NWD1: variants seen among roughly 807,000 people sequenced by gnomAD.
The protein encoded by NWD1 is NACHT and WD repeat domain containing 1.
In NWD1, 129 loss-of-function variants were observed where a neutral mutation model predicts 135.1. That is an observed-to-expected ratio of 0.96 (90% CI 0.83 to 1.11). The LOEUF (loss-of-function observed/expected upper bound fraction) is 1.11. Among genes scored for constraint, NWD1 ranks in the 50% least tolerant of loss-of-function variants. NWD1 has a pLI of 0.00. For synonymous variants in NWD1, 773 were observed against 786.0 expected (o/e 0.98, Z 0.28); for missense variants, 1,740 against 1,851.3 (o/e 0.94, Z 1.10).
intron 17 of NWD1, among the ~76,000 whole-genome samples, chr19:16,802,947 CAA>C (rs59153702): frequency 4.6e-4 from 38 of 81,838 alleles, no homozygotes; most frequent in Admixed American, 1.2e-3. Context: ...GACTCTGTCT[CAA>C]AAAAAAAAAA....
intron 10 of NWD1, among the ~76,000 whole-genome samples, chr19:16,766,406 C>A (rs774753747): frequency 6.6e-6 from 1 of 151,922 alleles, no homozygotes; most frequent in South Asian, 2.1e-4. Flanking sequence ...TGTCTCAAAA[C>A]GAACAAACCA....
chr19:16,757,975 C>T (rs1250785412), intron 6 of NWD1, among the ~76,000 whole-genome samples: 1 of 151,906 alleles, frequency 6.6e-6, no homozygotes, highest in Non-Finnish European at 1.5e-5. Context: ...TCGCTTGAAG[C>T]CAGGAGGCAG....
chr19:16,771,873 C>T (rs1212492779), intron 10 of NWD1, among the ~76,000 whole-genome samples: 1 of 150,896 alleles, frequency 6.6e-6, no homozygotes, highest in African/African-American at 2.4e-5. Flanking sequence ...GCTCTGTCAC[C>T]CAACTTCTGC....
chr19:16,733,314 A>G (rs1252272363), intron 3 of NWD1, among the ~76,000 whole-genome samples: 1 of 152,076 alleles, frequency 6.6e-6, no homozygotes, highest in Admixed American at 6.6e-5. Context: ...TGAGGCCAGG[A>G]GTTCGAGACC....
chr19:16,805,755 AAAAATGTTTGC>A (rs1334774578), intron 17 of NWD1, among the ~76,000 whole-genome samples: 3 of 152,190 alleles, frequency 2.0e-5, no homozygotes, highest in Non-Finnish European at 4.4e-5. Flanking sequence ...CTGTTACTCT[AAAAATGTTTGC>A]CAAATTAACG....
intron 4 of NWD1, among the ~76,000 whole-genome samples, chr19:16,740,803 T>C (rs1338064398): frequency 6.6e-6 from 1 of 152,126 alleles, no homozygotes; most frequent in East Asian, 1.9e-4. Context: ...GGTTTGCACC[T>C]ACTCCAAGTG....
Position 16,744,530 on chromosome 19 carries a change from T to G in NWD1, c.308T>G (p.Leu103Arg). 1 of 1,536,074 alleles carries G rather than the reference T, an allele frequency of 6.5e-7. No individual in the cohort carries two copies. Among genetic ancestry groups the G allele is most frequent in the Non-Finnish European group, 8.7e-7 (1 of 1,146,898 alleles). Residue 103 changes from leucine (L) to arginine (R), a missense_variant, in exon 5 of 19, where the codon CTG (leucine) becomes CGG (arginine). Leu to Arg is a moderately radical substitution (Grantham distance 102). Transcript: ENST00000524140. ...HLTARPSDLE[L>R]VARYFQRDEN... is the part of the protein sequence containing the mutation. ...ACTGCCAGGCCAAGTGACCTGGAGC[T>G]GGTGGCACGATACTTCCAGAGGGAC...
At chr19:16,762,238 G>A (rs913878209) in intron 8 of NWD1, 100 bp downstream of exon 8, 17 of 1,032,184 alleles carry the variant, frequency 1.6e-5, no homozygotes, top group East Asian at 5.3e-5. Flanking sequence ...ATGTCCTCCC[G>A]ACCTACTTCT....
chr19:16,788,522 T>C (rs1445367146), intron 12 of NWD1, among the ~76,000 whole-genome samples: 2 of 146,908 alleles, frequency 1.4e-5, no homozygotes, highest in Admixed American at 6.8e-5. Flanking sequence ...TGAACCAAGA[T>C]TGAGCCACTG....
chr19:16,816,875 TA>T lies in NWD1; in HGVS notation c.*1841del, dbSNP rs1971080720. ...GCAAATGTTAGTGTCAAATTTCATT[TA>T]AAAATATTTTAAACTGTAATTTTAA... On this transcript the variant is annotated 3_prime_UTR_variant, in exon 19 of 19. Coordinates refer to ENST00000524140, the MANE Select transcript of NWD1 (RefSeq NM_001007525.5). 1 of 152,230 alleles carries T rather than the reference TA, an allele frequency of 6.6e-6. No individual in the cohort carries two copies. Among genetic ancestry groups the T allele is most frequent in the Non-Finnish European group, 1.5e-5 (1 of 68,034 alleles). The allele number at this position is 152,230 out of a possible 1,614,324, so 9.4% of individuals were successfully genotyped here.
rs535080534 is a variant in NWD1 at position 16,744,655 on chromosome 19, G to T, written c.433G>T (p.Ala145Ser). The change falls in exon 5 of 19, where the codon GCC becomes TCC. Residue 145 changes from alanine to serine, a missense_variant. Ala to Ser is a moderately conservative substitution (Grantham distance 99, BLOSUM62 1). Coordinates refer to ENST00000524140, the MANE Select transcript of NWD1 (RefSeq NM_001007525.5). Reference sequence around the variant, plus strand: ...CTTAACTTCTGTCCTACGCTCTGGAGCCCAGGAGGCCCGGAGGCTGGGGCT... The same window carrying T: ...CTTAACTTCTGTCCTACGCTCTGGATCCCAGGAGGCCCGGAGGCTGGGGCT... ...ATLTSVLRSGAQEARRLGLIT... is the reference protein window; with the variant it reads ...ATLTSVLRSGSQEARRLGLIT... The T allele has an allele frequency of 6.5e-7, 1 of 1,535,916 alleles. No individual in the cohort carries two copies. Among genetic ancestry groups the T allele is most frequent in the Non-Finnish European group, 8.7e-7 (1 of 1,146,842 alleles).
At chr19:16,731,315 A>T (rs1967552325) in intron 3 of NWD1, 37 bp downstream of exon 3, 3 of 1,283,286 alleles carry the variant, frequency 2.3e-6, no homozygotes, top group Non-Finnish European at 2.2e-6. Flanking sequence ...TGCTTTTTTT[A>T]TTTTTTTTTG....
At chr19:16,754,880 A>G (rs1968728433) in intron 6 of NWD1, among the ~76,000 whole-genome samples, 1 of 152,138 alleles carries the variant, frequency 6.6e-6, no homozygotes, top group Non-Finnish European at 1.5e-5. Context: ...CCATCCATTC[A>G]TCCACCCATC....
At chr19:16,792,876 C>CA (rs1189102088) in intron 14 of NWD1, among the ~76,000 whole-genome samples, 4,501 of 51,698 alleles carry the variant, frequency 0.087, 421 homozygotes, top group African/African-American at 0.25. Context: ...AACTCCATCT[C>CA]AAAAAAAAAA....
chr19:16,731,027 T>C lies in NWD1; in HGVS notation c.-6-165T>C, dbSNP rs373662367. 71 of 481,388 alleles carry C rather than the reference T, an allele frequency of 1.5e-4. No individual in the cohort carries two copies. In the East Asian group the frequency reaches 2.0e-3, roughly 14 times the overall value. The allele number at this position is 481,388 out of a possible 1,614,324, so 29.8% of individuals were successfully genotyped here. A position where few individuals can be genotyped will look rare whatever the true frequency, so the allele number is the denominator to read the frequency against. ...GGGAGGCAGAGGAGAGAGAATCTCTTGAGGCCAGGAACTCGAGACCAGCCT... is the reference window on the plus strand; with the variant it reads ...GGGAGGCAGAGGAGAGAGAATCTCTCGAGGCCAGGAACTCGAGACCAGCCT... On this transcript the variant is annotated intron_variant, in intron 2 of 18. Coordinates refer to ENST00000524140, the MANE Select transcript of NWD1 (RefSeq NM_001007525.5).
chr19:16,752,700 T>TA (rs977601157), intron 6 of NWD1, among the ~76,000 whole-genome samples: 114 of 152,012 alleles, frequency 7.5e-4, no homozygotes, highest in African/African-American at 2.7e-3. Context: ...TTACACTCTA[T>TA]AAGAGTACAA....
chr19:16,759,934 C>T (rs1404183846), intron 7 of NWD1, among the ~76,000 whole-genome samples: 1 of 152,004 alleles, frequency 6.6e-6, no homozygotes, highest in African/African-American at 2.4e-5. Flanking sequence ...GCAGAGGTGG[C>T]AGTGAGCCAA....
At chr19:16,780,078 A>G (rs1340481096) in intron 12 of NWD1, among the ~76,000 whole-genome samples, 5 of 151,872 alleles carry the variant, frequency 3.3e-5, no homozygotes, top group Non-Finnish European at 7.3e-5. Flanking sequence ...TTTTCAAATG[A>G]GGCAACTCAA....
Position 16,789,168 on chromosome 19 carries a change from T to A in NWD1, c.2918T>A (p.Val973Glu). The A allele has an allele frequency of 6.2e-7, 1 of 1,613,982 alleles. No individual in the cohort carries two copies. The highest frequency in any genetic ancestry group is 1.3e-5 in the African/African-American group (1 of 75,034). Residue 973 changes from valine to glutamate, a missense_variant, in exon 13 of 19, where the codon GTG becomes GAG. Physicochemically the swap from Val to Glu is moderately radical, Grantham distance 121. Transcript: ENST00000524140. ...CATGTGGATGAGGCACACAAAGTTG[T>A]GTATTCAGCATCTGGCTCAAAGGTA... ...NLHVDEAHKVVYSASGSKINA... is the reference protein window; with the variant it reads ...NLHVDEAHKVEYSASGSKINA...
Sources: allele counts gnomAD v4.1 joint callset (sites outside exome capture counted in the v4.1 genomes callset), GRCh38; gene constraint gnomAD v4.1.1; transcripts MANE v1.5; gene names NCBI Gene and HGNC (gene_info 2026-07-23, HGNC 2026-07-21).